The following KSR2 variants were observed in gnomAD, a reference collection of about 807,000 sequenced individuals.
KSR2 encodes kinase suppressor of ras 2.
KSR2 carries 25 observed loss-of-function variants against 107.8 expected under a neutral mutation model. That is an observed-to-expected ratio of 0.23 (90% CI 0.17 to 0.32). KSR2 has a LOEUF of 0.32. KSR2 is among the 10% of genes least tolerant of loss of function. The probability of loss-of-function intolerance (pLI) is 1.00; values close to 1 mark genes in which losing one functional copy is unlikely to be tolerated. For missense variants in KSR2, 887 were observed against 1,268.9 expected (o/e 0.70, Z 4.57); for synonymous variants, 480 against 507.0 (o/e 0.95, Z 0.71).
chr12:117,886,215 T>C (rs1380770595), intron 1 of KSR2, among the ~76,000 whole-genome samples: 1 of 150,042 alleles, frequency 6.7e-6, no homozygotes, highest in Non-Finnish European at 1.5e-5. Flanking sequence ...TAGGTATATA[T>C]AAATATATTT....
Position 117,545,557 on chromosome 12 carries a change from T to C in KSR2, c.1519-5670A>G, listed in dbSNP as rs113208732. 3.5e-4 allele frequency among the ~76,000 whole-genome samples: 53 copies of C among 152,342 alleles called. 1 individual carries two copies. Among genetic ancestry groups the C allele is most frequent in the African/African-American group, 1.1e-3 (44 of 41,590 alleles). On this transcript the variant is annotated intron_variant, in intron 9 of 19. Transcript: ENST00000339824. ...ATTTTCAAGAAATTGGTTTATTTCA[T>C]TTAAGCTATAAAATGTATATGTGTA...
intron 8 of KSR2, among the ~76,000 whole-genome samples, chr12:117,557,712 T>TTTAATTAAATTAACTATTAAA (rs1877806536): frequency 6.6e-6 from 1 of 152,182 alleles, no homozygotes; most frequent in Non-Finnish European, 1.5e-5. Flanking sequence ...TTAATCTAAA[T>TTTAATTAAATTAACTATTAAA]TTAAATAGTC....
intron 3 of KSR2, among the ~76,000 whole-genome samples, chr12:117,784,632 T>G (rs1028999903): frequency 1.3e-5 from 2 of 152,028 alleles, no homozygotes; most frequent in African/African-American, 4.8e-5. Context: ...CACCCATGGG[T>G]TTTTTTCTCT....
chr12:117,793,132 ACACT>A (rs374352224), intron 3 of KSR2, among the ~76,000 whole-genome samples: 27 of 138,750 alleles, frequency 1.9e-4, no homozygotes, highest in Admixed American at 5.0e-4. Flanking sequence ...ATGCACACAC[ACACT>A]AACATGCATA....
intron 9 of KSR2, among the ~76,000 whole-genome samples, chr12:117,542,291 G>A (rs1287163561): frequency 6.6e-6 from 1 of 152,092 alleles, no homozygotes; most frequent in Non-Finnish European, 1.5e-5. Context: ...TTGAGTAGAG[G>A]TGCTTTGTCA....
At chr12:117,690,481 C>T (rs1885768657) in intron 4 of KSR2, among the ~76,000 whole-genome samples, 1 of 152,042 alleles carries the variant, frequency 6.6e-6, no homozygotes, top group Non-Finnish European at 1.5e-5. Context: ...AGGAGAATCG[C>T]TTAAACCTGG....
intron 3 of KSR2, among the ~76,000 whole-genome samples, chr12:117,787,697 A>G (rs1890127391): frequency 6.6e-6 from 1 of 152,186 alleles, no homozygotes. Flanking sequence ...TTAGGAGTGG[A>G]AGGGTAAGTA....
At position 117,841,896 on chromosome 12, in the gene KSR2, G is replaced by A. The variant is rs146708924; in HGVS notation, c.472+13532C>T. 3.5e-4 allele frequency among the ~76,000 whole-genome samples: 54 copies of A among 152,360 alleles called. No homozygotes were observed. The East Asian group carries it at 6.0e-3, about 17-fold the overall frequency. ...GAAGAATTAAATGAGCAGGTGCTGC[G>A]TGACTTGGCCCAGTAAGAACTCAAT... On this transcript the variant is annotated intron_variant, in intron 3 of 19. Transcript: ENST00000339824.
At chr12:117,579,780 G>A (rs1435312879) in intron 6 of KSR2, among the ~76,000 whole-genome samples, 1 of 152,174 alleles carries the variant, frequency 6.6e-6, no homozygotes, top group Non-Finnish European at 1.5e-5. Flanking sequence ...AACCTTGAAA[G>A]TGAAAGCCAT....
chr12:117,868,943 GT>G (rs1893565197), intron 1 of KSR2, among the ~76,000 whole-genome samples: 1 of 151,862 alleles, frequency 6.6e-6, no homozygotes, highest in African/African-American at 2.4e-5. Context: ...TAGAGATGAG[GT>G]TTTGTGCCAC....
intron 3 of KSR2, 68 bp downstream of exon 3, chr12:117,855,360 A>G: frequency 6.4e-7 from 1 of 1,562,498 alleles, no homozygotes; most frequent in South Asian, 1.2e-5. Flanking sequence ...CGGGCACGGG[A>G]TGCCGAGGGA....
At chr12:117,653,845 G>A (rs1884004978) in intron 5 of KSR2, among the ~76,000 whole-genome samples, 1 of 152,150 alleles carries the variant, frequency 6.6e-6, no homozygotes, top group Non-Finnish European at 1.5e-5. Flanking sequence ...TTTTGAGTGG[G>A]GTCCAGAACA....
chr12:117,832,671 G>A (rs1432564703), intron 3 of KSR2, among the ~76,000 whole-genome samples: 1 of 152,208 alleles, frequency 6.6e-6, no homozygotes, highest in Non-Finnish European at 1.5e-5. Flanking sequence ...GCCCTTTCCA[G>A]AGCCCTAGAG....
rs764903534 is a variant in KSR2 at position 117,485,591 on chromosome 12, G to T, written c.2316+4C>A. 6.2e-7 allele frequency: 1 copy of T among 1,612,062 alleles called. No individual in the cohort carries two copies. Among genetic ancestry groups the T allele is most frequent in the Admixed American group, 1.7e-5 (1 of 60,012 alleles). On this transcript the variant is annotated splice_donor_region_variant and intron_variant, in intron 15 of 19. Coordinates refer to ENST00000339824, the MANE Select transcript of KSR2 (RefSeq NM_173598.6). ...TAGATAGGAGGCCCAAGAGCCGACAGTACCTTCACAATTTCTTGAGCAATC... is the reference window on the plus strand; with the variant it reads ...TAGATAGGAGGCCCAAGAGCCGACATTACCTTCACAATTTCTTGAGCAATC...
At chr12:117,928,667 C>A (rs1056326474) in intron 1 of KSR2, among the ~76,000 whole-genome samples, 10 of 152,190 alleles carry the variant, frequency 6.6e-5, no homozygotes, top group Non-Finnish European at 1.5e-4. Flanking sequence ...GCTTTCAATT[C>A]TTTGGGGTAT....
chr12:117,933,492 A>G (rs2137506011), intron 1 of KSR2, among the ~76,000 whole-genome samples: 1 of 152,020 alleles, frequency 6.6e-6, no homozygotes, highest in South Asian at 2.1e-4. Flanking sequence ...TGGGAGGCTG[A>G]CCTATAGGAG....
intron 14 of KSR2, among the ~76,000 whole-genome samples, chr12:117,498,537 C>T (rs2137170228): frequency 6.6e-6 from 1 of 152,250 alleles, no homozygotes; most frequent in Non-Finnish European, 1.5e-5. Context: ...GACTCCTATC[C>T]TTTGTCTTCT....
Position 117,871,582 on chromosome 12 carries a change from T to C in KSR2, c.181-11151A>G, listed in dbSNP as rs374955202. ...CTGCACTCCAGCCTGGGCAACAGAATGAGACCCTGTCTCAAAAAAAAAAAA... is the reference window on the plus strand; with the variant it reads ...CTGCACTCCAGCCTGGGCAACAGAACGAGACCCTGTCTCAAAAAAAAAAAA... On this transcript the variant is annotated intron_variant, in intron 1 of 19. Transcript: ENST00000339824. Among the ~76,000 whole-genome samples the C allele has an allele frequency of 4.7e-5, 7 of 148,692 alleles. No homozygotes were observed. In the East Asian group the frequency reaches 1.1e-3, roughly 23 times the overall value.
intron 5 of KSR2, among the ~76,000 whole-genome samples, chr12:117,590,036 G>A (rs1196885110): frequency 6.6e-6 from 1 of 152,196 alleles, no homozygotes; most frequent in Non-Finnish European, 1.5e-5. Flanking sequence ...GATAAGAGAT[G>A]CTAGGGGTGA....
Sources: allele counts gnomAD v4.1 joint callset (sites outside exome capture counted in the v4.1 genomes callset), GRCh38; gene constraint gnomAD v4.1.1; transcripts MANE v1.5; gene names NCBI Gene and HGNC (gene_info 2026-07-23, HGNC 2026-07-21).